CDH3: variants seen among roughly 807,000 people sequenced by gnomAD.
The protein encoded by CDH3 is cadherin-3.
In CDH3, 54 loss-of-function variants were observed where a neutral mutation model predicts 82.0. The observed-to-expected ratio is 0.66, with a 90% CI of 0.53 to 0.83. The LOEUF is 0.83. Ranked by LOEUF, CDH3 falls within the 40% of genes least tolerant of loss-of-function variation. The pLI is 0.00. For synonymous variants in CDH3, 446 were observed against 437.9 expected (o/e 1.02, Z -0.23); for missense variants, 1,054 against 1,084.6 (o/e 0.97, Z 0.40).
At position 68,678,882 on chromosome 16, in the gene CDH3, A is replaced by T. The variant is rs1250082818; in HGVS notation, c.667A>T (p.Ser223Cys). 6 of 1,613,728 alleles carry T rather than the reference A, an allele frequency of 3.7e-6. No individual in the cohort carries two copies. Among genetic ancestry groups the T allele is most frequent in the Non-Finnish European group, 5.1e-6 (6 of 1,179,996 alleles). Residue 223 changes from serine (S) to cysteine (C), a missense_variant, in exon 6 of 16, where the codon AGT becomes TGT. Transcript: ENST00000264012. ...PKFTQDTFRG[S>C]VLEGVLPGTS... ...GTTTACCCAGGACACCTTCCGAGGG[A>T]GTGTCTTAGAGGGAGTCCTACCAGG...
chr16:68,678,026 G>T, intron 3 of CDH3, 108 bp from the exon 4 acceptor site: 1 of 1,019,940 alleles, frequency 9.8e-7, no homozygotes, highest in African/African-American at 1.6e-5. Context: ...TGGGATTATA[G>T]GCGTGAGCTA....
At chr16:68,681,142 C>CAA in intron 8 of CDH3, 46 bp downstream of exon 8, 1 of 1,608,452 alleles carries the variant, frequency 6.2e-7, no homozygotes, top group African/African-American at 1.3e-5. Context: ...AATGAAGGAC[C>CAA]AAAGTTTGCC....
chr16:68,691,961 G>T, intron 13 of CDH3, 35 bp downstream of exon 13: 1 of 1,560,586 alleles, frequency 6.4e-7, no homozygotes, highest in Non-Finnish European at 8.8e-7. Flanking sequence ...CCCTGAGGAT[G>T]GGGGAGTTGA....
At chr16:68,693,368 G>A (rs935787797) in intron 13 of CDH3, among the ~76,000 whole-genome samples, 1 of 152,114 alleles carries the variant, frequency 6.6e-6, no homozygotes, top group East Asian at 1.9e-4. Context: ...GGTGATGGGA[G>A]GCTCAGGCTA....
At chr16:68,687,174 C>T (rs1194840279) in intron 11 of CDH3, among the ~76,000 whole-genome samples, 1 of 152,138 alleles carries the variant, frequency 6.6e-6, no homozygotes, top group Admixed American at 6.6e-5. Flanking sequence ...TGAACCAGGA[C>T]CTGCAGGCAG....
intron 1 of CDH3, among the ~76,000 whole-genome samples, chr16:68,717,500 C>A (rs747478627): frequency 6.6e-6 from 1 of 152,102 alleles, no homozygotes; most frequent in East Asian, 1.9e-4. Flanking sequence ...AGGCCGAGCG[C>A]GGTGGCTCAC....
rs1961974069 is a variant in CDH3 at position 68,707,086 on chromosome 16, G to A, written c.99+11163G>A. Among the ~76,000 whole-genome samples, 1 of 152,230 alleles carries A rather than the reference G, an allele frequency of 6.6e-6. No individual in the cohort carries two copies. Among genetic ancestry groups the A allele is most frequent in the Non-Finnish European group, 1.5e-5 (1 of 68,040 alleles). On this transcript the variant is annotated intron_variant, in intron 1 of 2. Transcript: ENST00000569080. The surrounding 1 kb of genome is among the most constrained non-coding windows in gnomAD (Gnocchi z 4.5). Reference sequence around the variant, plus strand: ...TAGGAGCCAGGGAAGGCACTGCTGGGAAGGTGGCATTTGGACAAAGACTGG... The same window carrying A: ...TAGGAGCCAGGGAAGGCACTGCTGGAAAGGTGGCATTTGGACAAAGACTGG...
chr16:68,647,222 T>A (rs1449640107), intron 2 of CDH3, among the ~76,000 whole-genome samples: 3 of 152,068 alleles, frequency 2.0e-5, no homozygotes, highest in Non-Finnish European at 4.4e-5. Context: ...GAGGAAGCCT[T>A]ATTGCTAACC....
chr16:68,673,820 G>C (rs1284517023), intron 2 of CDH3, among the ~76,000 whole-genome samples: 2 of 152,068 alleles, frequency 1.3e-5, no homozygotes, highest in Non-Finnish European at 2.9e-5. Context: ...AGCTACTCGG[G>C]AGGCTGAGGC....
intron 1 of CDH3, among the ~76,000 whole-genome samples, chr16:68,714,563 A>C (rs1331067361): frequency 6.6e-6 from 1 of 152,194 alleles, no homozygotes; most frequent in East Asian, 1.9e-4. Context: ...GAATACACCC[A>C]GCACACAGAA....
chr16:68,711,765 G>A (rs1962033843), intron 1 of CDH3, among the ~76,000 whole-genome samples: 1 of 152,200 alleles, frequency 6.6e-6, no homozygotes, highest in Non-Finnish European at 1.5e-5. Context: ...GGGGCACGAG[G>A]GCGAGGGCAT....
chr16:68,682,590 G>A (rs1567450396), intron 9 of CDH3, 103 bp downstream of exon 9: 13 of 1,101,148 alleles, frequency 1.2e-5, no homozygotes, highest in East Asian at 4.8e-5. Context: ...TCCAGGAATC[G>A]TACCAGCCCA....
At chr16:68,676,344 A>G (rs372990007) in intron 2 of CDH3, 41 bp from the exon 3 acceptor site, 2 of 1,441,878 alleles carry the variant, frequency 1.4e-6, no homozygotes, top group Non-Finnish European at 2.0e-6. Context: ...CTTCCAGAAT[A>G]CTCCTGCCTT....
chr16:68,659,953 T>A (rs1485396233), intron 2 of CDH3, among the ~76,000 whole-genome samples: 8 of 152,282 alleles, frequency 5.3e-5, no homozygotes, highest in Admixed American at 5.2e-4. Flanking sequence ...TAAATACACA[T>A]CTATCTTGTT....
chr16:68,722,822 C>G (rs890684054), intron 2 of CDH3, among the ~76,000 whole-genome samples: 4 of 151,968 alleles, frequency 2.6e-5, no homozygotes, highest in Middle Eastern at 3.2e-3. Flanking sequence ...GGGTTTCGCT[C>G]TTGTTGCTCA....
chr16:68,705,249 A>G (rs1961945625), downstream of CDH3, among the ~76,000 whole-genome samples: 1 of 152,108 alleles, frequency 6.6e-6, no homozygotes, highest in Admixed American at 6.6e-5. Context: ...GGTAATGCTT[A>G]TGGCTTCCTG....
chr16:68,710,271 C>T (rs1333131495), intron 1 of CDH3, among the ~76,000 whole-genome samples: 1 of 152,240 alleles, frequency 6.6e-6, no homozygotes, highest in Non-Finnish European at 1.5e-5. Flanking sequence ...AAGGCAGTTT[C>T]TGCACTTGCC....
chr16:68,655,298 T>G lies in CDH3; in HGVS notation c.160+9548T>G, dbSNP rs115561282. 7.8e-3 allele frequency among the ~76,000 whole-genome samples: 1,181 copies of G among 152,238 alleles called. 14 individuals are homozygous for G. Among genetic ancestry groups the G allele is most frequent in the African/African-American group, 0.023 (958 of 41,526 alleles). On this transcript the variant is annotated intron_variant, in intron 2 of 15. Transcript: ENST00000264012. ...TGAAGTGTCTGAGATCCAAAGCCAATTTGAAATGGTCATTCAGCCAACAAA... is the reference window on the plus strand; with the variant it reads ...TGAAGTGTCTGAGATCCAAAGCCAAGTTGAAATGGTCATTCAGCCAACAAA...
At chr16:68,721,815 C>T (rs991724578) in intron 1 of CDH3, among the ~76,000 whole-genome samples, 10 of 152,136 alleles carry the variant, frequency 6.6e-5, no homozygotes, top group Admixed American at 6.6e-5. Context: ...GTTGGCCAGG[C>T]GTGGTGGCTC....
Sources: allele counts gnomAD v4.1 joint callset (sites outside exome capture counted in the v4.1 genomes callset), GRCh38; gene constraint gnomAD v4.1.1; non-coding constraint Gnocchi (gnomAD v3.1); transcripts MANE v1.5; gene names NCBI Gene and HGNC (gene_info 2026-07-23, HGNC 2026-07-21).